PCDHGB7: variants seen among roughly 807,000 people sequenced by gnomAD.
The protein encoded by PCDHGB7 is protocadherin gamma-B7.
A neutral mutation model predicts 61.4 loss-of-function variants in PCDHGB7; 37 were observed. The ratio of observed to expected loss-of-function variants is 0.60; its 90% CI spans 0.46 to 0.79. The LOEUF is 0.79. Among genes scored for constraint, PCDHGB7 ranks in the 30% least tolerant of loss-of-function variants. The probability of loss-of-function intolerance (pLI) is 0.00; values close to 1 mark genes in which losing one functional copy is unlikely to be tolerated. For missense variants in PCDHGB7, 1,166 were observed against 1,202.5 expected, an observed-to-expected ratio of 0.97 and a Z score of 0.45; for synonymous variants, 464 against 503.5, an observed-to-expected ratio of 0.92 and a Z score of 1.05.
Position 141,491,730 on chromosome 5 carries a change from C to G in PCDHGB7, c.2416-3077C>G, listed in dbSNP as rs1346666614. 1 of 1,603,920 alleles carries G rather than the reference C, an allele frequency of 6.2e-7. No homozygotes were observed. Among genetic ancestry groups the G allele is most frequent in the Non-Finnish European group, 8.5e-7 (1 of 1,175,836 alleles). ...GGGGCTCGGCGCCGCCCCGGGCGAC[C>G]CCTGGGGGCGGCACTGGAGAAGCCG... On this transcript the variant is annotated intron_variant, in intron 1 of 3. Coordinates refer to ENST00000398594, the MANE Select transcript of PCDHGB7 (RefSeq NM_018927.4). The surrounding 1 kb of genome is among the most constrained non-coding windows in gnomAD (Gnocchi z 6.9).
intron 1 of PCDHGB7, chr5:141,439,998 G>A (rs2098143949): frequency 6.5e-6 from 1 of 153,152 alleles, no homozygotes; most frequent in Non-Finnish European, 1.5e-5. Context: ...TTGGTGGTGG[G>A]AAACCTTGCC....
At chr5:141,472,980 C>CAAAAAAAAAAAAAAAAGAAAA (rs2099308501) in intron 1 of PCDHGB7, among the ~76,000 whole-genome samples, 1 of 86,106 alleles carries the variant, frequency 1.2e-5, no homozygotes, top group Non-Finnish European at 2.5e-5. Context: ...GAGTGAAACT[C>CAAAAAAAAAAAAAAAAGAAAA]AAAAAAAAAA....
rs1233148754 is a variant in PCDHGB7, at chr5:141,428,157, T to A, written c.2415+7883T>A. ...CCTGGGGCTGCACACGGGAACCTGC[T>A]GGTTGCTGTGCGTGACGGAGGACAG... On this transcript the variant is annotated intron_variant, in intron 1 of 3. Coordinates refer to ENST00000398594, the MANE Select transcript of PCDHGB7 (RefSeq NM_018927.4). The A allele has an allele frequency of 4.4e-6, 7 of 1,575,024 alleles. No individual in the cohort carries two copies. The East Asian group carries it at 1.6e-4, about 35-fold the overall frequency.
chr5:141,445,623 A>G (rs2098472971), intron 1 of PCDHGB7, among the ~76,000 whole-genome samples: 1 of 152,172 alleles, frequency 6.6e-6, no homozygotes, highest in South Asian at 2.1e-4. Flanking sequence ...TTTTTTTCGG[A>G]AAGTGATATT....
chr5:141,431,719 A>G lies in PCDHGB7; in HGVS notation c.2415+11445A>G. On this transcript the variant is annotated intron_variant, in intron 1 of 3. Transcript: ENST00000398594. This position sits in a 1 kb window ranked among gnomAD's most constrained non-coding sequence, Gnocchi z 4.8. ...CAGGATTCTACCAGATGGAAGTGCA[A>G]GCAATGGATAATGCAGGATATTCTG... 6.2e-7 allele frequency: 1 copy of G among 1,614,244 alleles called. No individual in the cohort carries two copies. Among genetic ancestry groups the G allele is most frequent in the Non-Finnish European group, 8.5e-7 (1 of 1,180,050 alleles).
In PCDHGB7 at chr5:141,418,448, C is replaced by T. The variant is rs1240295197; in HGVS notation, c.589C>T (p.Gln197Ter). Residue 197 changes from glutamine to a stop codon, truncating the protein, a stop_gained, in exon 1 of 4, where the codon CAG becomes TAG. Transcript: ENST00000398594. LOFTEE classifies it high-confidence loss of function. ...DGGKYPELVL[Q>*]KTLDRETQSA... ...TGGCAAATATCCAGAATTAGTATTG[C>T]AGAAGACTCTGGACCGAGAAACGCA... 1.9e-6 allele frequency: 3 copies of T among 1,613,850 alleles called. No homozygotes were observed. The African/African-American group carries it at 4.0e-5, about 22-fold the overall frequency.
chr5:141,492,880 T>C (rs1204475362), intron 1 of PCDHGB7, among the ~76,000 whole-genome samples: 2 of 152,184 alleles, frequency 1.3e-5, no homozygotes, highest in African/African-American at 4.8e-5. Context: ...CCCCCAGAGA[T>C]ACAGGCTTTT....
Position 141,491,889 on chromosome 5 carries a change from C to T in PCDHGB7, c.2416-2918C>T, listed in dbSNP as rs2099734763. On this transcript the variant is annotated intron_variant, in intron 1 of 3. Transcript: ENST00000398594. The surrounding 1 kb of genome is among the most constrained non-coding windows in gnomAD (Gnocchi z 6.9). ...GAGTGGCCGATTAAGGGATGGGGCT[C>T]CGAGCACCGGGGGTGGTGGCGACTG... 11 of 1,441,360 alleles carry T rather than the reference C, an allele frequency of 7.6e-6. No individual in the cohort carries two copies. Among genetic ancestry groups the T allele is most frequent in the Non-Finnish European group, 1.0e-5 (11 of 1,090,600 alleles). 89.3% of individuals were successfully genotyped at this position (1,441,360 alleles called of 1,614,324 possible).
In PCDHGB7 at chr5:141,487,046, G is replaced by A; in HGVS notation, c.2416-7761G>A. ...CAGCCTGTTTGCAGTCTCTCGATATGCTGGGGAGGTGCGGACGGCTGTTCC... is the reference window on the plus strand; with the variant it reads ...CAGCCTGTTTGCAGTCTCTCGATATACTGGGGAGGTGCGGACGGCTGTTCC... On this transcript the variant is annotated intron_variant, in intron 1 of 3. Coordinates refer to ENST00000398594, the MANE Select transcript of PCDHGB7 (RefSeq NM_018927.4). The surrounding 1 kb of genome is among the most constrained non-coding windows in gnomAD (Gnocchi z 5.0). 6.2e-7 allele frequency: 1 copy of A among 1,614,192 alleles called. No individual in the cohort carries two copies. Among genetic ancestry groups the A allele is most frequent in the Non-Finnish European group, 8.5e-7 (1 of 1,180,040 alleles).
At chr5:141,469,674 A>G (rs532726373) in intron 1 of PCDHGB7, among the ~76,000 whole-genome samples, 23 of 152,380 alleles carry the variant, frequency 1.5e-4, no homozygotes, top group Non-Finnish European at 2.2e-4. Flanking sequence ...TAATAAAACT[A>G]CATATGCATT....
chr5:141,426,858 T>G (rs898486771), intron 1 of PCDHGB7: 13 of 456,574 alleles, frequency 2.8e-5, no homozygotes, highest in African/African-American at 8.0e-5. Context: ...CGCTCCAGAA[T>G]TAGTGCTGGA....
intron 1 of PCDHGB7, chr5:141,478,446 G>A: frequency 6.2e-7 from 1 of 1,613,520 alleles, no homozygotes; most frequent in Non-Finnish European, 8.5e-7. Flanking sequence ...AAGAAACCTG[G>A]TGCAGCCAGT....
At chr5:141,464,862 C>T (rs1166573359) in intron 1 of PCDHGB7, among the ~76,000 whole-genome samples, 1 of 152,076 alleles carries the variant, frequency 6.6e-6, no homozygotes, top group African/African-American at 2.4e-5. Context: ...CCTTAGCCTC[C>T]CAAGTAGCTA....
In PCDHGB7 at chr5:141,512,022, C is replaced by T. The variant is rs2154594692; in HGVS notation, c.*849C>T. The T allele has an allele frequency of 6.5e-6, 1 of 152,990 alleles. No individual in the cohort carries two copies. The highest frequency in any genetic ancestry group is 1.9e-4 in the East Asian group (1 of 5,186). The allele number at this position is 152,990 out of a possible 1,614,324, so 9.5% of individuals were successfully genotyped here. A position where few individuals can be genotyped will look rare whatever the true frequency, so the allele number is the denominator to read the frequency against. The stretch of plus-strand genomic sequence containing the variant: ...AGCTTGACACATCAAGTTATCAAGG[C>T]CTTGGAGGAGGCTCTGTATGTCCTC... On this transcript the variant is annotated 3_prime_UTR_variant, in exon 4 of 4. Transcript: ENST00000398594.
At chr5:141,428,112 A>G (rs2097111373) in intron 1 of PCDHGB7, 1 of 1,607,642 alleles carries the variant, frequency 6.2e-7, no homozygotes, top group Non-Finnish European at 8.5e-7. Context: ...GCTGCAGGCC[A>G]TCGAGCCCGG....
At chr5:141,461,278 C>T (rs2099012353) in intron 1 of PCDHGB7, among the ~76,000 whole-genome samples, 1 of 152,086 alleles carries the variant, frequency 6.6e-6, no homozygotes, top group South Asian at 2.1e-4. Context: ...GTTCTCTTTT[C>T]CCCACATCCA....
chr5:141,489,151 A>G lies in PCDHGB7; in HGVS notation c.2416-5656A>G. On this transcript the variant is annotated intron_variant, in intron 1 of 3. Transcript: ENST00000398594. This position sits in a 1 kb window ranked among gnomAD's most constrained non-coding sequence, Gnocchi z 4.5. ...TTTTTAAGAGGCTGGAAGGAGACAT[A>G]AGAGACTTCAGCTGCTGCATTCCAA... is the stretch of plus-strand genomic sequence containing the variant. The G allele has an allele frequency of 4.3e-6, 4 of 932,968 alleles. No individual in the cohort carries two copies. Among genetic ancestry groups the G allele is most frequent in the Non-Finnish European group, 6.4e-6 (4 of 622,052 alleles). 57.8% of individuals were successfully genotyped at this position (932,968 alleles called of 1,614,324 possible).
At chr5:141,460,214 G>A (rs925628892) in intron 1 of PCDHGB7, among the ~76,000 whole-genome samples, 2 of 151,896 alleles carry the variant, frequency 1.3e-5, no homozygotes, top group Admixed American at 6.6e-5. Flanking sequence ...CATTTTCTTA[G>A]TTGTGTCTTT....
At chr5:141,449,920 A>G (rs1287640011) in intron 1 of PCDHGB7, among the ~76,000 whole-genome samples, 1 of 151,842 alleles carries the variant, frequency 6.6e-6, no homozygotes, top group East Asian at 1.9e-4. Context: ...TTTAAATTCT[A>G]CCATACCTTA....
Sources: gnomAD v4.1 joint callset for allele counts (sites outside exome capture counted in the v4.1 genomes callset) on GRCh38, gnomAD v4.1.1 for gene constraint, Gnocchi (gnomAD v3.1) non-coding constraint, MANE v1.5 for transcripts, NCBI Gene and HGNC (gene_info 2026-07-23, HGNC 2026-07-21) for gene names.